The following DNMT3B variants were observed in gnomAD, a reference collection of about 807,000 sequenced individuals.
The protein encoded by DNMT3B is DNA (cytosine-5)-methyltransferase 3B.
Under a neutral mutation model 120.2 loss-of-function variants are expected in DNMT3B, and 37 were observed. The observed-to-expected ratio is 0.31, with a 90% CI of 0.24 to 0.40. The LOEUF is 0.40. DNMT3B is among the 10% of genes least tolerant of loss of function. DNMT3B has a pLI of 1.00. For missense variants in DNMT3B, 878 were observed against 1,137.3 expected, an observed-to-expected ratio of 0.77 and a Z score of 3.28; for synonymous variants, 412 against 442.8, an observed-to-expected ratio of 0.93 and a Z score of 0.87.
chr20:32,788,830 T>G (rs1979635273), intron 6 of DNMT3B, 24 bp from the exon 7 acceptor site: 5 of 1,614,148 alleles, frequency 3.1e-6, no homozygotes, highest in Non-Finnish European at 3.4e-6. Context: ...TCACTGGGAT[T>G]TCTTCATGTG....
At chr20:32,763,897 T>C (rs1987132727) in intron 1 of DNMT3B, among the ~76,000 whole-genome samples, 1 of 152,202 alleles carries the variant, frequency 6.6e-6, no homozygotes, top group Admixed American at 6.5e-5. Context: ...TCCTGAGTTC[T>C]GGATGCGGTG....
chr20:32,800,020 C>T (rs1981130309), intron 16 of DNMT3B, 133 bp from the exon 17 acceptor site: 5 of 1,346,086 alleles, frequency 3.7e-6, no homozygotes, highest in Non-Finnish European at 3.2e-6. Context: ...GGTGCGTGTA[C>T]AGCCTTTGCT....
intron 8 of DNMT3B, 79 bp downstream of exon 8, chr20:32,791,787 G>T: frequency 6.6e-7 from 1 of 1,522,250 alleles, no homozygotes; most frequent in Non-Finnish European, 9.0e-7. Context: ...CTAGCTCAGT[G>T]TTGCCAAGGG....
chr20:32,792,890 C>T, intron 9 of DNMT3B, 120 bp downstream of exon 9: 5 of 1,453,192 alleles, frequency 3.4e-6, no homozygotes, highest in Non-Finnish European at 4.7e-6. Context: ...GGTCTCAACT[C>T]TGAATGTTGG....
rs1359872576 is a variant in DNMT3B at position 32,807,925 on chromosome 20, A to C, written c.*22A>C. ...ATAGTTCCAGCCAGGCCCCAAGCCCACTGGGGTGTGTGGCAGAGCCAGGAC... is the reference window on the plus strand; with the variant it reads ...ATAGTTCCAGCCAGGCCCCAAGCCCCCTGGGGTGTGTGGCAGAGCCAGGAC... On this transcript the variant is annotated 3_prime_UTR_variant, in exon 23 of 23. Transcript: ENST00000328111. 1.2e-6 allele frequency: 2 copies of C among 1,614,040 alleles called. No homozygotes were observed. The highest frequency in any genetic ancestry group is 3.3e-5 in the Admixed American group (2 of 60,022).
At position 32,800,820 on chromosome 20, in the gene DNMT3B, G is replaced by A. The variant is rs771666897; in HGVS notation, c.1906-15G>A. Reference sequence around the variant, plus strand: ...CTGTCCACACCCTCATCCTGACTCTGTCTCTCTCTTTCAGATTGAAGAATG... The same window carrying A: ...CTGTCCACACCCTCATCCTGACTCTATCTCTCTCTTTCAGATTGAAGAATG... On this transcript the variant is annotated splice_polypyrimidine_tract_variant and intron_variant, in intron 17 of 22. Transcript: ENST00000328111. 1.2e-6 allele frequency: 2 copies of A among 1,612,866 alleles called. No individual in the cohort carries two copies. The highest frequency in any genetic ancestry group is 3.3e-5 in the Admixed American group (2 of 59,988).
intron 9 of DNMT3B, 144 bp downstream of exon 9, chr20:32,792,914 G>A: frequency 7.9e-7 from 1 of 1,257,988 alleles, no homozygotes; most frequent in Non-Finnish European, 1.1e-6. Flanking sequence ...AATAGGAGCA[G>A]GCATACGAAG....
At chr20:32,784,263 C>T (rs958047752) in intron 3 of DNMT3B, among the ~76,000 whole-genome samples, 6 of 152,148 alleles carry the variant, frequency 3.9e-5, no homozygotes, top group Non-Finnish European at 7.4e-5. Context: ...GGTCTGGTGA[C>T]CTCAGGTGAC....
Position 32,779,851 on chromosome 20 carries a change from G to T in DNMT3B, c.-6-467G>T, listed in dbSNP as rs1441584093. 3 of 590,256 alleles carry T rather than the reference G, an allele frequency of 5.1e-6. No individual in the cohort carries two copies. The East Asian group carries it at 8.5e-5, about 17-fold the overall frequency. The allele number at this position is 590,256 out of a possible 1,614,324, so 36.6% of individuals were successfully genotyped here. ...TGGGAAGAGGACCTGGAGATTGAGG[G>T]GAAGGGAGAGAGCAAACAAAGGGGT... On this transcript the variant is annotated intron_variant, in intron 1 of 22. Coordinates refer to ENST00000328111, the MANE Select transcript of DNMT3B (RefSeq NM_006892.4).
chr20:32,801,465 G>A, intron 19 of DNMT3B, 39 bp downstream of exon 19: 2 of 1,613,062 alleles, frequency 1.2e-6, no homozygotes, highest in South Asian at 1.1e-5. Context: ...CAGACAGCCA[G>A]GGCAGGGAAA....
At chr20:32,799,194 A>C in intron 15 of DNMT3B, 50 bp from the exon 16 acceptor site, 2 of 1,578,908 alleles carry the variant, frequency 1.3e-6, no homozygotes, top group Non-Finnish European at 1.7e-6. Context: ...TCAGAGCTTG[A>C]GTCTTTGCCC....
intron 1 of DNMT3B, among the ~76,000 whole-genome samples, chr20:32,772,313 T>C (rs558441213): frequency 1.3e-5 from 2 of 152,330 alleles, no homozygotes; most frequent in East Asian, 3.8e-4. Flanking sequence ...GTATCCCTGC[T>C]GTGTAGGTAT....
At chr20:32,804,349 G>T (rs1601136714) in intron 20 of DNMT3B, among the ~76,000 whole-genome samples, 1 of 152,312 alleles carries the variant, frequency 6.6e-6, no homozygotes, top group Non-Finnish European at 1.5e-5. Context: ...GCTCCCCTGG[G>T]TCCATGTCGG....
chr20:32,769,751 A>T (rs562418773), intron 1 of DNMT3B, among the ~76,000 whole-genome samples: 6 of 151,988 alleles, frequency 3.9e-5, no homozygotes, highest in African/African-American at 1.5e-4. Flanking sequence ...GGAATCATAC[A>T]TTATTATTAT....
chr20:32,781,321 A>G (rs1468309870), intron 2 of DNMT3B, 32 bp from the exon 3 acceptor site: 4 of 1,577,060 alleles, frequency 2.5e-6, no homozygotes, highest in Middle Eastern at 1.7e-4. Flanking sequence ...GCCTGCCCCC[A>G]CAAAACAGAC....
At chr20:32,800,988 G>A in intron 18 of DNMT3B, 63 bp downstream of exon 18, 3 of 1,590,852 alleles carry the variant, frequency 1.9e-6, no homozygotes, top group South Asian at 2.2e-5. Context: ...TGGCCCAGGT[G>A]CAGCAGCCTG....
intron 1 of DNMT3B, among the ~76,000 whole-genome samples, chr20:32,765,566 G>T (rs1364332496): frequency 6.7e-6 from 1 of 149,112 alleles, no homozygotes; most frequent in African/African-American, 2.5e-5. Context: ...GATTACATGC[G>T]CACACCACCA....
rs767733477 is a variant in DNMT3B, at chr20:32,792,666, C to T, written c.962C>T (p.Pro321Leu). Reference sequence around the variant, plus strand: ...GCTGGCAAGACCTTCCCCAGCAGCCCTGGAGACTCATTGGAGGACCAGCTG... The same window carrying T: ...GCTGGCAAGACCTTCCCCAGCAGCCTTGGAGACTCATTGGAGGACCAGCTG... ...VRAGKTFPSSPGDSLEDQLKP... is the reference protein window; with the variant it reads ...VRAGKTFPSSLGDSLEDQLKP... Residue 321 changes from proline to leucine, a missense_variant, in exon 9 of 23, where the codon CCT becomes CTT. Physicochemically the swap from Pro to Leu is moderately conservative, Grantham distance 98 (BLOSUM62 -3). Coordinates refer to ENST00000328111, the MANE Select transcript of DNMT3B (RefSeq NM_006892.4). The T allele has an allele frequency of 2.5e-6, 4 of 1,614,264 alleles. No individual in the cohort carries two copies. The highest frequency in any genetic ancestry group is 3.4e-6 in the Non-Finnish European group (4 of 1,180,042).
rs1263949832 is a variant in DNMT3B, at chr20:32,806,187, A to G, written c.2302-22A>G. ...GGTCCCTTCATTCTGTGCTCACTCC[A>G]TGATGTCATTTTGTTCTCCAGTTAA... On this transcript the variant is annotated intron_variant, in intron 21 of 22. Coordinates refer to ENST00000328111, the MANE Select transcript of DNMT3B (RefSeq NM_006892.4). 8 of 1,610,160 alleles carry G rather than the reference A, an allele frequency of 5.0e-6. No individual in the cohort carries two copies. In the South Asian group the frequency reaches 6.6e-5, roughly 13 times the overall value.
Sources: gnomAD v4.1 joint callset for allele counts (sites outside exome capture counted in the v4.1 genomes callset) on GRCh38, gnomAD v4.1.1 for gene constraint, MANE v1.5 for transcripts, NCBI Gene and HGNC (gene_info 2026-07-23, HGNC 2026-07-21) for gene names.